ARB2A: variants seen among roughly 807,000 people sequenced by gnomAD.
ARB2A encodes cotranscriptional regulator ARB2A.
At chr5:94,055,120 C>T in the ARB2A span, among the ~76,000 whole-genome samples, 2 of 152,260 alleles carry the variant, frequency 1.3e-5, no homozygotes, top group East Asian at 1.9e-4. Flanking sequence ...TATCTGTCAT[C>T]ACAGAGTCAT....
chr5:93,621,777 C>G, the ARB2A span, among the ~76,000 whole-genome samples: 1 of 152,178 alleles, frequency 6.6e-6, no homozygotes, highest in Non-Finnish European at 1.5e-5. Context: ...TAATGAAGGA[C>G]CGCATTCAAA....
the ARB2A span, among the ~76,000 whole-genome samples, chr5:93,789,674 A>G: frequency 2.6e-5 from 4 of 152,320 alleles, no homozygotes; most frequent in African/African-American, 9.6e-5. Flanking sequence ...CCACCTGGTT[A>G]CAAGTGTGCC....
chr5:93,966,521 A>C, the ARB2A span, among the ~76,000 whole-genome samples: 1 of 152,144 alleles, frequency 6.6e-6, no homozygotes, highest in African/African-American at 2.4e-5. Flanking sequence ...TTTGCAACAT[A>C]GCAAACCAAG....
chr5:93,939,980 T>C, the ARB2A span, among the ~76,000 whole-genome samples: 13 of 152,058 alleles, frequency 8.5e-5, no homozygotes, highest in East Asian at 1.2e-3. Context: ...TCAGAGTGTA[T>C]ACCTAACACA....
chr5:93,838,672 T>C, the ARB2A span, among the ~76,000 whole-genome samples: 1 of 152,208 alleles, frequency 6.6e-6, no homozygotes. Context: ...TTCCTATCCA[T>C]GAGTAAGCAA....
the ARB2A span, chr5:93,683,544 T>A: frequency 6.8e-7 from 1 of 1,479,752 alleles, no homozygotes; most frequent in South Asian, 1.1e-5. Context: ...GCTTCAACAA[T>A]GTGCAGTTCA....
chr5:93,763,786 A>T, the ARB2A span, among the ~76,000 whole-genome samples: 2 of 152,158 alleles, frequency 1.3e-5, no homozygotes, highest in Non-Finnish European at 2.9e-5. Context: ...AAAATTCACC[A>T]CACAGTTGGA....
the ARB2A span, among the ~76,000 whole-genome samples, chr5:94,108,838 A>G: frequency 6.6e-6 from 1 of 152,172 alleles, no homozygotes; most frequent in East Asian, 1.9e-4. Context: ...TGTGGAAAAG[A>G]GTGTGTCAAT....
the ARB2A span, among the ~76,000 whole-genome samples, chr5:94,040,287 G>A: frequency 6.6e-6 from 1 of 152,048 alleles, no homozygotes; most frequent in South Asian, 2.1e-4. Context: ...CCCTAAAAGG[G>A]GAAACTTGAG....
chr5:94,099,874 C>T, the ARB2A span, among the ~76,000 whole-genome samples: 228 of 152,044 alleles, frequency 1.5e-3, 3 homozygotes, highest in Middle Eastern at 0.014. Context: ...CCCTGAAAAC[C>T]GGCACAAGAC....
the ARB2A span, among the ~76,000 whole-genome samples, chr5:94,095,319 TTC>T: frequency 6.6e-6 from 1 of 152,178 alleles, no homozygotes; most frequent in African/African-American, 2.4e-5. Flanking sequence ...AAGGCCAGAC[TTC>T]TGTTTGGGCA....
At chr5:93,796,160 T>A in the ARB2A span, among the ~76,000 whole-genome samples, 2 of 152,318 alleles carry the variant, frequency 1.3e-5, no homozygotes, top group South Asian at 4.1e-4. Context: ...CAGCCTTTAT[T>A]CCCTATGATA....
At chr5:93,684,579 T>C in the ARB2A span, among the ~76,000 whole-genome samples, 1 of 152,200 alleles carries the variant, frequency 6.6e-6, no homozygotes, top group Admixed American at 6.5e-5. Context: ...TTTGCTACCC[T>C]CAGTATACAT....
chr5:93,930,631 C>G, the ARB2A span, among the ~76,000 whole-genome samples: 1 of 152,004 alleles, frequency 6.6e-6, no homozygotes, highest in African/African-American at 2.4e-5. Context: ...AGAAGAGCAC[C>G]AGATGAGTTC....
At chr5:94,060,705 CA>C in the ARB2A span, among the ~76,000 whole-genome samples, 2 of 151,856 alleles carry the variant, frequency 1.3e-5, no homozygotes, top group African/African-American at 4.8e-5. Flanking sequence ...AAAGACAGTA[CA>C]AAAAAAGAAC....
chr5:93,950,957 A>T, the ARB2A span, among the ~76,000 whole-genome samples: 2 of 146,568 alleles, frequency 1.4e-5, no homozygotes, highest in African/African-American at 5.0e-5. Context: ...AAAAAAAAAA[A>T]ATAAAATAAA....
the ARB2A span, among the ~76,000 whole-genome samples, chr5:94,089,222 T>G: frequency 6.6e-6 from 1 of 152,222 alleles, no homozygotes; most frequent in African/African-American, 2.4e-5. Context: ...GCATGAGAGT[T>G]AAACTTCCTT....
At chr5:94,067,035 A>G in the ARB2A span, among the ~76,000 whole-genome samples, 3 of 152,234 alleles carry the variant, frequency 2.0e-5, no homozygotes, top group African/African-American at 7.2e-5. Flanking sequence ...ATGGTTCAAC[A>G]TATGCAAATC....
At chr5:93,753,919 G>C in the ARB2A span, among the ~76,000 whole-genome samples, 2 of 152,112 alleles carry the variant, frequency 1.3e-5, no homozygotes, top group Non-Finnish European at 2.9e-5. Flanking sequence ...CTTCCATCCT[G>C]TGTGCCTGGT....
Sources: gnomAD v4.1 joint callset for allele counts (sites outside exome capture counted in the v4.1 genomes callset) on GRCh38, gnomAD v4.1.1 for gene constraint, MANE v1.5 for transcripts, NCBI Gene and HGNC (gene_info 2026-07-23, HGNC 2026-07-21) for gene names.